Variants in MED12L observed in about 807,000 individuals in gnomAD.
MED12L encodes the protein mediator complex subunit 12L, also known as mediator of RNA polymerase II transcription subunit 12-like protein.
A neutral mutation model predicts 281.3 loss-of-function variants in MED12L; 60 were observed. The observed-to-expected ratio is 0.21, with a 90% CI of 0.17 to 0.26. The LOEUF (loss-of-function observed/expected upper bound fraction) is 0.26. MED12L is among the 10% of genes least tolerant of loss of function. MED12L has a pLI of 1.00. For missense variants in MED12L, 2,146 were observed against 2,680.9 expected, an observed-to-expected ratio of 0.80 and a Z score of 4.41; for synonymous variants, 974 against 987.2, an observed-to-expected ratio of 0.99 and a Z score of 0.25.
At chr3:151,183,539 A>T (rs954671168) in intron 11 of MED12L, among the ~76,000 whole-genome samples, 2 of 152,122 alleles carry the variant, frequency 1.3e-5, no homozygotes, top group African/African-American at 4.8e-5. Flanking sequence ...CTCAGAGATG[A>T]TGTGGGCACA....
At chr3:151,184,771 G>A (rs1723074780) in intron 11 of MED12L, among the ~76,000 whole-genome samples, 1 of 152,150 alleles carries the variant, frequency 6.6e-6, no homozygotes, top group Non-Finnish European at 1.5e-5. Context: ...TTTTGGTGCT[G>A]GGCTGTCATT....
intron 43 of MED12L, among the ~76,000 whole-genome samples, chr3:151,422,819 C>CTT (rs34923048): frequency 0.047 from 6,195 of 130,864 alleles, 246 homozygotes; most frequent in East Asian, 0.1. Flanking sequence ...TGATTCATTG[C>CTT]TTTTTTTTTT....
At chr3:151,283,301 A>G (rs1370185894) in intron 16 of MED12L, among the ~76,000 whole-genome samples, 1 of 152,214 alleles carries the variant, frequency 6.6e-6, no homozygotes, top group Non-Finnish European at 1.5e-5. Flanking sequence ...CTAGCATTAG[A>G]TTGGGTTTAA....
chr3:151,395,327 T>C (rs1229185567), intron 39 of MED12L, among the ~76,000 whole-genome samples: 1 of 152,212 alleles, frequency 6.6e-6, no homozygotes, highest in Non-Finnish European at 1.5e-5. Flanking sequence ...CTGCCTTTAA[T>C]TTTTGTTTCT....
chr3:151,333,943 T>G (rs1383647789), intron 16 of MED12L, among the ~76,000 whole-genome samples: 4 of 150,460 alleles, frequency 2.7e-5, no homozygotes, highest in African/African-American at 9.7e-5. Context: ...CCAGGCATGG[T>G]GGCAGGTGCC....
At chr3:151,215,579 T>TA (rs1728051157) in intron 16 of MED12L, among the ~76,000 whole-genome samples, 1 of 152,228 alleles carries the variant, frequency 6.6e-6, no homozygotes, top group African/African-American at 2.4e-5. Flanking sequence ...CTTCTATTGT[T>TA]TAGGAATCCT....
chr3:151,328,418 C>T (rs1362703932), intron 16 of MED12L: 2 of 1,613,212 alleles, frequency 1.2e-6, no homozygotes, highest in African/African-American at 1.3e-5. Flanking sequence ...AATAAACTGG[C>T]ATATGTTATT....
intron 16 of MED12L, among the ~76,000 whole-genome samples, chr3:151,248,018 A>G (rs1267606412): frequency 1.6e-5 from 2 of 126,302 alleles, no homozygotes; most frequent in South Asian, 2.5e-4. Flanking sequence ...GATTCTAAGC[A>G]TGTATATTAA....
chr3:151,270,510 G>A (rs1740743383), intron 16 of MED12L, among the ~76,000 whole-genome samples: 1 of 152,182 alleles, frequency 6.6e-6, no homozygotes, highest in Admixed American at 6.5e-5. Flanking sequence ...TTAGTGCACA[G>A]AATTTTAGCG....
At chr3:151,100,420 G>A (rs1283393774) in intron 2 of MED12L, among the ~76,000 whole-genome samples, 2 of 152,150 alleles carry the variant, frequency 1.3e-5, no homozygotes, top group South Asian at 2.1e-4. Flanking sequence ...ACTATTTAAG[G>A]CATTGGCAGG....
chr3:151,217,620 T>C (rs7653225), intron 16 of MED12L, among the ~76,000 whole-genome samples: 6,131 of 152,268 alleles, frequency 0.04, 407 homozygotes, highest in African/African-American at 0.14. Flanking sequence ...GTTTTAGACA[T>C]GCTGGTTGGG....
At chr3:151,242,275 G>C (rs1201390054) in intron 16 of MED12L, among the ~76,000 whole-genome samples, 1 of 152,368 alleles carries the variant, frequency 6.6e-6, no homozygotes, top group South Asian at 2.1e-4. Context: ...GCCCACCACA[G>C]CTCAAGGAGG....
At chr3:151,310,345 C>T (rs2149774246) in intron 16 of MED12L, among the ~76,000 whole-genome samples, 1 of 152,258 alleles carries the variant, frequency 6.6e-6, no homozygotes, top group Admixed American at 6.5e-5. Flanking sequence ...AGCCACATGC[C>T]TGGACCCCAT....
intron 11 of MED12L, among the ~76,000 whole-genome samples, chr3:151,169,122 GT>G (rs1179594098): frequency 4.4e-3 from 366 of 82,528 alleles, no homozygotes; most frequent in Non-Finnish European, 6.3e-3. Flanking sequence ...TTTTTTTTTT[GT>G]TTTTTTTTTT....
rs750559233 is a variant in MED12L at position 151,411,478 on chromosome 3, G to A, written c.6111G>A (p.Pro2037=). 1.4e-5 allele frequency: 23 copies of A among 1,614,192 alleles called. No homozygotes were observed. Among genetic ancestry groups the A allele is most frequent in the Middle Eastern group, 1.6e-4 (1 of 6,062 alleles). The stretch of plus-strand genomic sequence containing the variant: ...GCTATGTTCAGCAGCAGGCCTCGCC[G>A]TACCTGCAGCCCCTGACTGGCTCTC... The part of the protein sequence containing the change: ...PSGYVQQQAS[P]YLQPLTGSQR... The change falls in exon 41 of 45, where the codon CCG becomes CCA. Residue 2037 remains proline, a synonymous_variant. Transcript: ENST00000687756.
chr3:151,338,555 A>G lies in MED12L; in HGVS notation c.2251-11504A>G. ...AATAAAATATGACGGAGGTAACTTG[A>G]CACACAAAAGTTCTCAGTGGTCCTG... On this transcript the variant is annotated intron_variant, in intron 16 of 44. Transcript: ENST00000687756. The G allele has an allele frequency of 6.2e-7, 1 of 1,613,972 alleles. No homozygotes were observed. The highest frequency in any genetic ancestry group is 1.6e-4 in the Middle Eastern group (1 of 6,062).
chr3:151,250,901 C>A (rs1215320888), intron 16 of MED12L, among the ~76,000 whole-genome samples: 1 of 152,212 alleles, frequency 6.6e-6, no homozygotes, highest in Non-Finnish European at 1.5e-5. Flanking sequence ...ACAAAGGTGT[C>A]ACTTTCCCCA....
At chr3:151,176,511 AT>A (rs1251713801) in intron 11 of MED12L, among the ~76,000 whole-genome samples, 3 of 151,062 alleles carry the variant, frequency 2.0e-5, no homozygotes, top group East Asian at 1.9e-4. Flanking sequence ...ATTCTACAGG[AT>A]TTTTTTTCTT....
Position 151,432,858 on chromosome 3 carries a change from T to C in MED12L, c.*54T>C. The C allele has an allele frequency of 7.4e-7, 1 of 1,344,948 alleles. No individual in the cohort carries two copies. Among genetic ancestry groups the C allele is most frequent in the South Asian group, 1.3e-5 (1 of 76,644 alleles). The allele number at this position is 1,344,948 out of a possible 1,614,324, so 83.3% of individuals were successfully genotyped here. On this transcript the variant is annotated 3_prime_UTR_variant, in exon 45 of 45. Coordinates refer to ENST00000687756, the MANE Select transcript of MED12L (RefSeq NM_001393769.1). ...TATGTTTGCACTGAAAAACAGAAAA[T>C]CAAATTTAATGCATTAGTCATCTTA...
Sources: allele counts gnomAD v4.1 joint callset (sites outside exome capture counted in the v4.1 genomes callset), GRCh38; gene constraint gnomAD v4.1.1; transcripts MANE v1.5; gene names NCBI Gene and HGNC (gene_info 2026-07-23, HGNC 2026-07-21).